Variants in PPP1R13B observed in about 807,000 individuals in gnomAD.
PPP1R13B encodes protein phosphatase 1 regulatory subunit 13B, also known as apoptosis-stimulating of p53 protein 1.
PPP1R13B carries 44 observed loss-of-function variants against 119.8 expected under a neutral mutation model. The observed-to-expected ratio is 0.37, with a 90% CI of 0.29 to 0.47. The LOEUF is 0.47. Among genes scored for constraint, PPP1R13B ranks in the 20% least tolerant of loss-of-function variants. The probability of loss-of-function intolerance (pLI) is 0.99; values close to 1 mark genes in which losing one functional copy is unlikely to be tolerated. For missense variants in PPP1R13B, 1,227 were observed against 1,413.5 expected, an observed-to-expected ratio of 0.87 and a Z score of 2.12; for synonymous variants, 542 against 561.5, an observed-to-expected ratio of 0.97 and a Z score of 0.49.
chr14:103,788,700 A>G (rs1031372010), intron 2 of PPP1R13B, among the ~76,000 whole-genome samples: 1 of 152,140 alleles, frequency 6.6e-6, no homozygotes, highest in Non-Finnish European at 1.5e-5. Flanking sequence ...CAAAAAAAAA[A>G]AAAAGTTTCT....
At chr14:103,823,655 TTCC>T (rs946492968) in intron 1 of PPP1R13B, among the ~76,000 whole-genome samples, 2 of 152,152 alleles carry the variant, frequency 1.3e-5, no homozygotes, top group Admixed American at 1.3e-4. Context: ...TCTAGCAGTC[TTCC>T]TCCTCCTTGA....
rs78761560 is a variant in PPP1R13B, at chr14:103,748,121, G to A, written c.970-1568C>T. Among the ~76,000 whole-genome samples, 182 of 150,804 alleles carry A rather than the reference G, an allele frequency of 1.2e-3. 3 individuals carry two copies. In the East Asian group the frequency reaches 0.021, roughly 17 times the overall value. On this transcript the variant is annotated intron_variant, in intron 8 of 16. Transcript: ENST00000202556. ...CACACACACACACACACACGTGCAC[G>A]CGCACGCTACTGGTTCTCTTTCTCT...
chr14:103,843,937 G>A (rs2086966560), intron 1 of PPP1R13B, among the ~76,000 whole-genome samples: 1 of 141,834 alleles, frequency 7.1e-6, no homozygotes, highest in African/African-American at 2.7e-5. Flanking sequence ...TGGCGACAGA[G>A]CAAGACTCCG....
chr14:103,735,336 C>T, intron 16 of PPP1R13B, 141 bp from the exon 17 acceptor site: 1 of 770,204 alleles, frequency 1.3e-6, no homozygotes, highest in South Asian at 1.4e-5. Flanking sequence ...CTCAGCTGCA[C>T]CTCTACACTG....
chr14:103,766,140 C>CTGGG (rs2084934315), intron 4 of PPP1R13B, among the ~76,000 whole-genome samples: 1 of 151,904 alleles, frequency 6.6e-6, no homozygotes, highest in Non-Finnish European at 1.5e-5. Flanking sequence ...TCCCGAATAG[C>CTGGG]TGGGACCACA....
At chr14:103,806,274 C>T (rs1003568244) in intron 1 of PPP1R13B, among the ~76,000 whole-genome samples, 4 of 152,266 alleles carry the variant, frequency 2.6e-5, no homozygotes, top group African/African-American at 9.6e-5. Flanking sequence ...GGCTCTCAGG[C>T]TTTTCTGGCC....
chr14:103,747,993 C>T (rs757305325), intron 8 of PPP1R13B, among the ~76,000 whole-genome samples: 1 of 152,048 alleles, frequency 6.6e-6, no homozygotes, highest in Non-Finnish European at 1.5e-5. Context: ...TGGGCCTCCA[C>T]GCTGCCGGCC....
intron 7 of PPP1R13B, among the ~76,000 whole-genome samples, chr14:103,751,388 G>A (rs1335937830): frequency 6.6e-6 from 1 of 152,194 alleles, no homozygotes; most frequent in African/African-American, 2.4e-5. Flanking sequence ...TTTACTCTAT[G>A]TAGTTAAATA....
At chr14:103,739,724 C>T (rs2084203459) in intron 12 of PPP1R13B, 100 bp downstream of exon 12, 5 of 1,371,344 alleles carry the variant, frequency 3.6e-6, no homozygotes, top group Middle Eastern at 5.1e-4. Context: ...TCCCTGGTTC[C>T]CACTGCTCCC....
intron 2 of PPP1R13B, among the ~76,000 whole-genome samples, chr14:103,796,825 G>A (rs1408826010): frequency 2.6e-5 from 4 of 152,144 alleles, no homozygotes; most frequent in Admixed American, 6.6e-5. Flanking sequence ...AGGCGTGGTG[G>A]TGCGCGCCTA....
Position 103,739,853 on chromosome 14 carries a change from G to A in PPP1R13B, c.2563C>T (p.Pro855Ser), listed in dbSNP as rs368881952. The change falls in exon 12 of 17, where the codon CCT becomes TCT. Residue 855 changes from proline to serine, a missense_variant. Pro to Ser is a moderately conservative substitution (Grantham distance 74). Coordinates refer to ENST00000202556, the MANE Select transcript of PPP1R13B (RefSeq NM_015316.3). ...GAGGTGGCAGGAGGGTGGCTGGCAG[G>A]GGGAAGAGGTGCTGGAGGGACCTGC... ...EEQVPPAPLPPASHPPATSTN... is the reference protein window; with the variant it reads ...EEQVPPAPLPSASHPPATSTN... 3 of 1,610,496 alleles carry A rather than the reference G, an allele frequency of 1.9e-6. No individual in the cohort carries two copies. The highest frequency in any genetic ancestry group is 2.5e-6 in the Non-Finnish European group (3 of 1,177,704).
upstream of PPP1R13B, among the ~76,000 whole-genome samples, chr14:103,848,042 A>T (rs1024461553): frequency 1.4e-4 from 21 of 151,704 alleles, no homozygotes; most frequent in African/African-American, 5.1e-4. Flanking sequence ...GCTGCGGCCC[A>T]GAGGCCAGTG....
chr14:103,831,769 C>A (rs1262122221), intron 1 of PPP1R13B, among the ~76,000 whole-genome samples: 1 of 151,958 alleles, frequency 6.6e-6, no homozygotes, highest in Non-Finnish European at 1.5e-5. Flanking sequence ...AACCCCGTCT[C>A]TACTAAAAGT....
chr14:103,756,068 T>C (rs2084669754), intron 5 of PPP1R13B, among the ~76,000 whole-genome samples: 1 of 152,138 alleles, frequency 6.6e-6, no homozygotes, highest in Non-Finnish European at 1.5e-5. Flanking sequence ...AAATGTTATC[T>C]TTAAAGCCAG....
intron 4 of PPP1R13B, among the ~76,000 whole-genome samples, chr14:103,772,719 CT>C (rs2085100756): frequency 6.6e-6 from 1 of 150,592 alleles, no homozygotes; most frequent in African/African-American, 2.5e-5. Context: ...GTTGCCCAGG[CT>C]AGAGTGCAGT....
In PPP1R13B at chr14:103,757,109, C is replaced by T. The variant is rs534995935; in HGVS notation, c.456+541G>A. Reference sequence around the variant, plus strand: ...GGTCTCACTTACTCTGTCACCCAGGCTGGAATGCAGTGGCATGATCTTGGC... The same window carrying T: ...GGTCTCACTTACTCTGTCACCCAGGTTGGAATGCAGTGGCATGATCTTGGC... On this transcript the variant is annotated intron_variant, in intron 5 of 16. Transcript: ENST00000202556. 4.0e-5 allele frequency among the ~76,000 whole-genome samples: 6 copies of T among 150,510 alleles called. 1 individual carries two copies. The South Asian group carries it at 1.1e-3, about 26-fold the overall frequency.
chr14:103,762,790 G>A (rs933699761), intron 4 of PPP1R13B: 57 of 766,294 alleles, frequency 7.4e-5, no homozygotes, highest in African/African-American at 4.5e-4. Flanking sequence ...GGCGGCGGCC[G>A]CCCGCTCCAG....
intron 3 of PPP1R13B, among the ~76,000 whole-genome samples, chr14:103,779,637 C>T (rs1449736407): frequency 6.6e-6 from 1 of 151,068 alleles, no homozygotes; most frequent in African/African-American, 2.4e-5. Flanking sequence ...CAGAAAGTAG[C>T]GAGGCATGGT....
At chr14:103,763,309 C>T in intron 4 of PPP1R13B, 1 of 338,394 alleles carries the variant, frequency 3.0e-6, no homozygotes, top group South Asian at 4.1e-5. Flanking sequence ...AAAGGGGGGT[C>T]TGTTAACTAG....
Sources: allele counts gnomAD v4.1 joint callset (sites outside exome capture counted in the v4.1 genomes callset), GRCh38; gene constraint gnomAD v4.1.1; transcripts MANE v1.5; gene names NCBI Gene and HGNC (gene_info 2026-07-23, HGNC 2026-07-21).